Variants in ZXDC observed in about 807,000 individuals in gnomAD.
The protein encoded by ZXDC is zinc finger protein ZXDC.
Under a neutral mutation model 63.6 loss-of-function variants are expected in ZXDC, and 58 were observed. That is an observed-to-expected ratio of 0.91 (90% CI 0.74 to 1.13). The LOEUF is 1.13. Among genes scored for constraint, ZXDC ranks in the 50% most tolerant of loss-of-function variants. ZXDC has a pLI of 0.00. For missense variants in ZXDC, 1,133 were observed against 1,148.9 expected (o/e 0.99, Z 0.20); for synonymous variants, 561 against 496.1 (o/e 1.13, Z -1.74).
chr3:126,441,610 AG>A (rs935739809), intron 8 of ZXDC, 154 bp downstream of exon 8: 85 of 1,360,428 alleles, frequency 6.2e-5, no homozygotes, highest in Admixed American at 1.7e-4. Flanking sequence ...GTGAGGAGAC[AG>A]GACTTGGGGC....
At chr3:126,450,823 G>A (rs1457880565) in intron 7 of ZXDC, among the ~76,000 whole-genome samples, 2 of 152,240 alleles carry the variant, frequency 1.3e-5, no homozygotes, top group Non-Finnish European at 2.9e-5. Context: ...ACACTCCAGT[G>A]TGTGTGTGCC....
At position 126,439,703 on chromosome 3, in the gene ZXDC, G is replaced by C. The variant is rs573319902; in HGVS notation, c.2419C>G (p.Leu807Val). Residue 807 changes from leucine to valine, a missense_variant, in exon 9 of 10, where the codon CTG becomes GTG. Coordinates refer to ENST00000389709, the MANE Select transcript of ZXDC (RefSeq NM_025112.5). ...VQDDPSGEGV[L>V]PSARGPATFL... ...GTGGCTGGGCCGCGGGCCGAGGGCAGGACACCTTCGCCGGAGGGGTCATCC... is the reference window on the plus strand; with the variant it reads ...GTGGCTGGGCCGCGGGCCGAGGGCACGACACCTTCGCCGGAGGGGTCATCC... 6.4e-5 allele frequency: 100 copies of C among 1,552,124 alleles called. No homozygotes were observed. The East Asian group carries it at 2.3e-3, about 36-fold the overall frequency.
Position 126,472,103 on chromosome 3 carries a change from G to A in ZXDC, c.1060+50C>T, listed in dbSNP as rs200259670. 1.7e-3 allele frequency: 2,805 copies of A among 1,609,294 alleles called. 13 individuals are homozygous for A. The highest frequency in any genetic ancestry group is 0.013 in the Middle Eastern group (79 of 6,038). On this transcript the variant is annotated intron_variant, in intron 2 of 9. Transcript: ENST00000389709. ...TAAAATTTACAACTCCAACAGCTACGATGAAGACAAATCTTGGGTCCAAAT... is the reference window on the plus strand; with the variant it reads ...TAAAATTTACAACTCCAACAGCTACAATGAAGACAAATCTTGGGTCCAAAT...
intron 7 of ZXDC, among the ~76,000 whole-genome samples, chr3:126,455,696 C>A (rs1227384359): frequency 6.6e-6 from 1 of 152,116 alleles, no homozygotes; most frequent in Non-Finnish European, 1.5e-5. Flanking sequence ...GACTACAGCC[C>A]AAAGAATCAA....
chr3:126,446,341 C>T (rs1392943648), intron 7 of ZXDC, among the ~76,000 whole-genome samples: 2 of 152,164 alleles, frequency 1.3e-5, no homozygotes, highest in East Asian at 1.9e-4. Context: ...GGGAGCTGGA[C>T]GATCCAGCTA....
In ZXDC at chr3:126,475,708, GC is replaced by G; in HGVS notation, c.157del (p.Ala53ArgfsTer71). 1 of 1,284,018 alleles carries G rather than the reference GC, an allele frequency of 7.8e-7. No individual in the cohort carries two copies. The allele number at this position is 1,284,018 out of a possible 1,614,324, so 79.5% of individuals were successfully genotyped here. On this transcript the variant is annotated frameshift_variant, in exon 1 of 10. Coordinates refer to ENST00000389709, the MANE Select transcript of ZXDC (RefSeq NM_025112.5). LOFTEE classifies it high-confidence loss of function. ...TGGCCCGGAGGCCTCCCCGGGCCGC[GC>G]CCCGGGCCCGCCATCTTCAGGGCCC... ...VRGPEDGGPG[A>X]RPGEASGPSP...
At chr3:126,469,284 G>C (rs1934889686) in intron 4 of ZXDC, among the ~76,000 whole-genome samples, 2 of 152,172 alleles carry the variant, frequency 1.3e-5, no homozygotes, top group Non-Finnish European at 2.9e-5. Context: ...TTCGGGTGCT[G>C]TCTGCTTCGC....
chr3:126,465,221 C>T (rs532392835), intron 5 of ZXDC, among the ~76,000 whole-genome samples: 2 of 152,358 alleles, frequency 1.3e-5, no homozygotes, highest in South Asian at 4.1e-4. Flanking sequence ...CGGTGAGGAG[C>T]GACAACCGCA....
intron 5 of ZXDC, among the ~76,000 whole-genome samples, chr3:126,462,762 C>A (rs1205517158): frequency 6.6e-6 from 1 of 152,188 alleles, no homozygotes; most frequent in Non-Finnish European, 1.5e-5. Context: ...CTAGCTGCCA[C>A]CCCAAAACCG....
chr3:126,438,540 C>T (rs1933551531), intron 9 of ZXDC, 79 bp from the exon 10 acceptor site: 2 of 1,326,990 alleles, frequency 1.5e-6, no homozygotes, highest in Non-Finnish European at 2.1e-6. Flanking sequence ...CAGCAGGACA[C>T]TGACCAGGCC....
chr3:126,455,021 C>T (rs1934250840), intron 7 of ZXDC: 6 of 985,430 alleles, frequency 6.1e-6, no homozygotes, highest in Non-Finnish European at 6.0e-6. Flanking sequence ...TGCACAACAG[C>T]GAAGTCTTGA....
rs747798767 is a variant in ZXDC, at chr3:126,475,642, A to C, written c.224T>G (p.Phe75Cys). Residue 75 changes from phenylalanine (F) to cysteine (C), a missense_variant, in exon 1 of 10, where the codon TTC becomes TGC. Transcript: ENST00000389709. Reference sequence around the variant, plus strand: ...GTGCGGCACTTCCAGCAGCACCAAGAAAGAGTCGCCGTCGCTGTCGTCCTC... The same window carrying C: ...GTGCGGCACTTCCAGCAGCACCAAGCAAGAGTCGCCGTCGCTGTCGTCCTC... ...PAEDDSDGDSFLVLLEVPHGG... is the reference protein window; with the variant it reads ...PAEDDSDGDSCLVLLEVPHGG... The C allele has an allele frequency of 1.4e-6, 2 of 1,468,748 alleles. No individual in the cohort carries two copies. Among genetic ancestry groups the C allele is most frequent in the African/African-American group, 2.9e-5 (2 of 68,414 alleles). 91.0% of individuals were successfully genotyped at this position (1,468,748 alleles called of 1,614,324 possible). A position where few individuals can be genotyped will look rare whatever the true frequency, so the allele number is the denominator to read the frequency against.
chr3:126,452,325 A>G, intron 7 of ZXDC: 4 of 985,422 alleles, frequency 4.1e-6, no homozygotes, highest in Non-Finnish European at 3.6e-6. Flanking sequence ...ATGAAATCGC[A>G]CTACAATGCT....
At chr3:126,474,299 C>T (rs2107662394) in intron 1 of ZXDC, among the ~76,000 whole-genome samples, 1 of 152,200 alleles carries the variant, frequency 6.6e-6, no homozygotes, top group African/African-American at 2.4e-5. Flanking sequence ...CTCCTGACCT[C>T]GTAATCCGCC....
rs1025462528 is a variant in ZXDC, at chr3:126,440,023, C to A, written c.2395-296G>T. The stretch of plus-strand genomic sequence containing the variant: ...AAATACTGATTTCCCTCCTAAGGCA[C>A]GCTCCTCAACTCCTTGCAGGTGCCC... On this transcript the variant is annotated intron_variant, in intron 8 of 9. Coordinates refer to ENST00000389709, the MANE Select transcript of ZXDC (RefSeq NM_025112.5). The A allele has an allele frequency of 2.4e-6, 3 of 1,255,354 alleles. No individual in the cohort carries two copies. The South Asian group carries it at 6.2e-5, about 26-fold the overall frequency. 77.8% of individuals were successfully genotyped at this position (1,255,354 alleles called of 1,614,324 possible).
At chr3:126,456,513 G>A (rs564859330) in intron 7 of ZXDC, among the ~76,000 whole-genome samples, 1 of 152,362 alleles carries the variant, frequency 6.6e-6, no homozygotes, top group African/African-American at 2.4e-5. Flanking sequence ...CACATGCTGG[G>A]AGAAGTTGGC....
chr3:126,441,376 G>A lies in ZXDC; in HGVS notation c.2394+389C>T, dbSNP rs1041828376. The stretch of plus-strand genomic sequence containing the variant: ...AAATGGGGTGGCTGAGACGGCCTGC[G>A]GAGCCCTTTTGCCCCAGCCCTGCAG... On this transcript the variant is annotated intron_variant, in intron 8 of 9. Coordinates refer to ENST00000389709, the MANE Select transcript of ZXDC (RefSeq NM_025112.5). The A allele has an allele frequency of 8.3e-5, 86 of 1,040,420 alleles. No homozygotes were observed. In the African/African-American group the frequency reaches 1.1e-3, roughly 13 times the overall value. The allele number at this position is 1,040,420 out of a possible 1,614,324, so 64.4% of individuals were successfully genotyped here. A position where few individuals can be genotyped will look rare whatever the true frequency, so the allele number is the denominator to read the frequency against.
intron 5 of ZXDC, among the ~76,000 whole-genome samples, chr3:126,465,115 A>G (rs1381422249): frequency 1.3e-5 from 2 of 152,214 alleles, no homozygotes; most frequent in Non-Finnish European, 2.9e-5. Context: ...CTGGTCACAC[A>G]GGAGACGTGA....
At chr3:126,465,768 T>C (rs1267552916) in intron 5 of ZXDC, among the ~76,000 whole-genome samples, 1 of 152,030 alleles carries the variant, frequency 6.6e-6, no homozygotes, top group South Asian at 2.1e-4. Context: ...CTGAGCAACA[T>C]AGTGAAACCC....
Sources: allele counts gnomAD v4.1 joint callset (sites outside exome capture counted in the v4.1 genomes callset), GRCh38; gene constraint gnomAD v4.1.1; transcripts MANE v1.5; gene names NCBI Gene and HGNC (gene_info 2026-07-23, HGNC 2026-07-21).